The following GRB2 variants were observed in gnomAD, a reference collection of about 807,000 sequenced individuals.
GRB2 encodes growth factor receptor-bound protein 2.
In GRB2, 2 loss-of-function variants were observed where a neutral mutation model predicts 27.4. That is an observed-to-expected ratio of 0.07 (90% CI 0.03 to 0.23). GRB2 has a LOEUF of 0.23. GRB2 is among the 10% of genes least tolerant of loss of function. The pLI, the probability that GRB2 is intolerant of heterozygous loss-of-function variation, is 1.00. For missense variants in GRB2, 102 were observed against 282.4 expected (o/e 0.36, Z 4.58); for synonymous variants, 94 against 99.6 (o/e 0.94, Z 0.33).
intron 2 of GRB2, chr17:75,373,133 G>C (rs1216710300): frequency 6.6e-6 from 1 of 152,242 alleles, no homozygotes; most frequent in Non-Finnish European, 1.5e-5. Flanking sequence ...TGTAATCCCA[G>C]CTACTCGGGA....
intron 2 of GRB2, among the ~76,000 whole-genome samples, chr17:75,391,539 T>C (rs1255948583): frequency 6.6e-6 from 1 of 152,196 alleles, no homozygotes; most frequent in Non-Finnish European, 1.5e-5. Flanking sequence ...CTGGGTGCAG[T>C]AGCTCACGCC....
chr17:75,393,859 T>TG, intron 1 of GRB2, 94 bp from the exon 2 acceptor site: 1 of 496,028 alleles, frequency 2.0e-6, no homozygotes, highest in East Asian at 3.2e-5. Context: ...CCACGCCCCC[T>TG]GGCTCGGCCT....
rs1368485004 is a variant in GRB2, at chr17:75,332,719, T to C, written c.157A>G (p.Ile53Val). ...ACTTACGGATGTGGTTTCATTTCTA[T>C]GTAGTTCTTGGGAATGAAGCCGTCT... is the stretch of plus-strand genomic sequence containing the variant. ...GKDGFIPKNY[I>V]EMKPHPWFFG... is the part of the protein sequence containing the mutation. The change falls in exon 3 of 6, where the codon ATA becomes GTA. Residue 53 changes from isoleucine to valine, a missense_variant. Transcript: ENST00000316804. The C allele has an allele frequency of 5.6e-6, 9 of 1,606,010 alleles. No individual in the cohort carries two copies. Among genetic ancestry groups the C allele is most frequent in the South Asian group, 1.1e-5 (1 of 90,694 alleles).
chr17:75,374,286 T>G (rs2078876773), intron 2 of GRB2, among the ~76,000 whole-genome samples: 1 of 149,660 alleles, frequency 6.7e-6, no homozygotes, highest in Admixed American at 6.7e-5. Flanking sequence ...CGCCTATAAT[T>G]CCAGCTAGTC....
At position 75,385,872 on chromosome 17, in the gene GRB2, T is replaced by C. The variant is rs76534222; in HGVS notation, c.78+7679A>G. The stretch of plus-strand genomic sequence containing the variant: ...ATACAGATCAACGTTAACACCTTCA[T>C]TGCCACTTAATAGGTGCCATAATCT... On this transcript the variant is annotated intron_variant, in intron 2 of 5. Transcript: ENST00000316804. 5.1e-3 allele frequency among the ~76,000 whole-genome samples: 770 copies of C among 152,336 alleles called. 9 individuals carry two copies. Among genetic ancestry groups the C allele is most frequent in the East Asian group, 0.045 (235 of 5,188 alleles).
At chr17:75,383,932 T>C (rs1352078218) in intron 2 of GRB2, among the ~76,000 whole-genome samples, 1 of 152,152 alleles carries the variant, frequency 6.6e-6, no homozygotes, top group Non-Finnish European at 1.5e-5. Context: ...GGTAGGAAAC[T>C]ATTGTTCCCA....
At chr17:75,382,274 G>A (rs1439640472) in intron 2 of GRB2, among the ~76,000 whole-genome samples, 3 of 151,536 alleles carry the variant, frequency 2.0e-5, no homozygotes, top group Non-Finnish European at 4.4e-5. Context: ...AAAAAAAAAG[G>A]AATAAAAAGT....
At chr17:75,363,291 C>T (rs1390659186) in intron 2 of GRB2, among the ~76,000 whole-genome samples, 1 of 152,122 alleles carries the variant, frequency 6.6e-6, no homozygotes, top group South Asian at 2.1e-4. Context: ...ACTGCCAGGT[C>T]ACAGGTCACC....
At chr17:75,354,844 C>A (rs1368382640) in intron 2 of GRB2, among the ~76,000 whole-genome samples, 2 of 152,188 alleles carry the variant, frequency 1.3e-5, no homozygotes, top group South Asian at 2.1e-4. Flanking sequence ...ATAGGAAGGG[C>A]GCACTGAGAA....
intron 2 of GRB2, among the ~76,000 whole-genome samples, chr17:75,350,648 C>G (rs752633593): frequency 6.6e-6 from 1 of 152,298 alleles, no homozygotes; most frequent in East Asian, 1.9e-4. Flanking sequence ...CCCGTCACCA[C>G]GCGCAGCTAA....
At chr17:75,373,659 T>C (rs915319998) in intron 2 of GRB2, 6 of 152,202 alleles carry the variant, frequency 3.9e-5, no homozygotes, top group African/African-American at 1.4e-4. Context: ...TACACATCTT[T>C]AGCAAAGCTC....
At chr17:75,381,735 G>GAAAAAAAAAAAAGA (rs72373494) in intron 2 of GRB2, among the ~76,000 whole-genome samples, 1 of 120,738 alleles carries the variant, frequency 8.3e-6, no homozygotes, top group African/African-American at 3.1e-5. Context: ...AAAAAAAAAA[G>GAAAAAAAAAAAAGA]AAAAAAAAAA....
At chr17:75,327,795 C>G (rs4788887) in intron 3 of GRB2, among the ~76,000 whole-genome samples, 89,185 of 152,100 alleles carry the variant, frequency 0.59, 31,331 homozygotes, top group East Asian at 0.86. Flanking sequence ...CCCTTAGTAA[C>G]TTTGTCCTTG....
chr17:75,318,607 GGTCTTCCT>G lies in GRB2; in HGVS notation c.*1753_*1760del, dbSNP rs2078433046. On this transcript the variant is annotated 3_prime_UTR_variant, in exon 6 of 6. Transcript: ENST00000316804. ...AGACAGAGAGTTCTGCCGAGGCCTT[GGTCTTCCT>G]GTCTTTCCAATCTTGCCTTCCCCAA... 1 of 152,304 alleles carries G rather than the reference GGTCTTCCT, an allele frequency of 6.6e-6. No individual in the cohort carries two copies. The highest frequency in any genetic ancestry group is 6.5e-5 in the Admixed American group (1 of 15,272). The allele number at this position is 152,304 out of a possible 1,614,324, so 9.4% of individuals were successfully genotyped here.
intron 2 of GRB2, 62 bp downstream of exon 2, chr17:75,393,489 G>T: frequency 7.9e-7 from 1 of 1,272,932 alleles, no homozygotes; most frequent in Non-Finnish European, 1.2e-6. Context: ...TAATCAGGGC[G>T]AAAGAAGGTG....
At chr17:75,338,154 C>A (rs1360037489) in intron 2 of GRB2, among the ~76,000 whole-genome samples, 2 of 151,774 alleles carry the variant, frequency 1.3e-5, no homozygotes, top group Non-Finnish European at 2.9e-5. Flanking sequence ...GGTCTTGAAC[C>A]TCTGACCTCA....
intron 3 of GRB2, among the ~76,000 whole-genome samples, chr17:75,331,137 T>C (rs2078538770): frequency 6.6e-6 from 1 of 152,184 alleles, no homozygotes; most frequent in African/African-American, 2.4e-5. Flanking sequence ...AGCAACTACG[T>C]CTGCAAGGCC....
intron 2 of GRB2, among the ~76,000 whole-genome samples, chr17:75,359,526 T>TAAAA (rs1257385545): frequency 1.0e-5 from 1 of 100,108 alleles, no homozygotes; most frequent in South Asian, 3.4e-4. Context: ...TAATAATAAA[T>TAAAA]AATAATAATA....
chr17:75,368,526 GTTTTT>G (rs1216199577), intron 2 of GRB2, among the ~76,000 whole-genome samples: 1 of 141,854 alleles, frequency 7.0e-6, no homozygotes, highest in Admixed American at 7.0e-5. Context: ...TCAGGCGTTT[GTTTTT>G]TTTTTTGTTG....
Sources: allele counts gnomAD v4.1 joint callset (sites outside exome capture counted in the v4.1 genomes callset), GRCh38; gene constraint gnomAD v4.1.1; transcripts MANE v1.5; gene names NCBI Gene and HGNC (gene_info 2026-07-23, HGNC 2026-07-21).